AP3S2: variants seen among roughly 807,000 people sequenced by gnomAD.
The protein encoded by AP3S2 is AP-3 complex subunit sigma-2.
AP3S2 carries 22 observed loss-of-function variants against 23.4 expected under a neutral mutation model. That is an observed-to-expected ratio of 0.94 (90% confidence interval 0.67 to 1.34). The LOEUF is 1.34. Among genes scored for constraint, AP3S2 ranks in the 40% most tolerant of loss-of-function variants. The pLI, the probability that AP3S2 is intolerant of heterozygous loss-of-function variation, is 0.00. For synonymous variants in AP3S2, 86 were observed against 87.1 expected, an observed-to-expected ratio of 0.99 and a Z score of 0.07; for missense variants, 241 against 236.9, an observed-to-expected ratio of 1.02 and a Z score of -0.11.
At chr15:89,892,665 C>T (rs925673853) in intron 1 of AP3S2, among the ~76,000 whole-genome samples, 5 of 118,788 alleles carry the variant, frequency 4.2e-5, no homozygotes, top group African/African-American at 1.6e-4. Context: ...TATATATATA[C>T]TTTTTTGTGT....
At chr15:89,863,935 G>A (rs923267375) in intron 4 of AP3S2, among the ~76,000 whole-genome samples, 1 of 152,180 alleles carries the variant, frequency 6.6e-6, no homozygotes, top group Admixed American at 6.5e-5. Context: ...TGCTCTCTAT[G>A]AGGGCAAAGA....
At chr15:89,847,969 AG>A (rs1387790223) in intron 4 of AP3S2, among the ~76,000 whole-genome samples, 1 of 152,206 alleles carries the variant, frequency 6.6e-6, no homozygotes, top group African/African-American at 2.4e-5. Context: ...TTGGGATGGC[AG>A]GATTCCATCT....
intron 3 of AP3S2, among the ~76,000 whole-genome samples, chr15:89,887,899 G>A (rs1197630551): frequency 6.6e-6 from 1 of 152,142 alleles, no homozygotes; most frequent in Non-Finnish European, 1.5e-5. Flanking sequence ...TCAAAATCCT[G>A]ACCTCAAGTG....
At chr15:89,839,851 T>TC (rs1718930140) in intron 4 of AP3S2, among the ~76,000 whole-genome samples, 1 of 151,990 alleles carries the variant, frequency 6.6e-6, no homozygotes, top group Admixed American at 6.6e-5. Context: ...AAGAATTCTT[T>TC]TTTTTTTTTT....
chr15:89,891,728 T>G (rs567497740), intron 1 of AP3S2, among the ~76,000 whole-genome samples: 148 of 150,878 alleles, frequency 9.8e-4, no homozygotes, highest in Middle Eastern at 6.9e-3. Context: ...AATAAATAAA[T>G]AAATAACGAA....
At chr15:89,888,740 A>G in intron 2 of AP3S2, 108 bp from the exon 3 acceptor site, 1 of 1,230,118 alleles carries the variant, frequency 8.1e-7, no homozygotes. Context: ...AGAAGGCCAA[A>G]CGCTAGAAGC....
intron 4 of AP3S2, among the ~76,000 whole-genome samples, chr15:89,858,040 C>T (rs1318886963): frequency 6.6e-6 from 1 of 152,174 alleles, no homozygotes; most frequent in African/African-American, 2.4e-5. Context: ...AAAAAATAAA[C>T]CTTGCTCTCA....
intron 4 of AP3S2, among the ~76,000 whole-genome samples, chr15:89,858,523 G>GAGAGAGAGAGAGAGAGAAAGAA (rs1555446558): frequency 1.9e-5 from 1 of 53,654 alleles, no homozygotes; most frequent in Non-Finnish European, 3.8e-5. Context: ...GAGAGAGAGA[G>GAGAGAGAGAGAGAGAGAAAGAA]AGAAAGAAAG....
In AP3S2 at chr15:89,835,388, G is replaced by A; in HGVS notation, c.*127C>T. ...ATTCCATGCCAAACAGTCTTCCCCA[G>A]ACACAAAGTTTCCAGGTCCTGAGGC... On this transcript the variant is annotated 3_prime_UTR_variant, in exon 6 of 6. Coordinates refer to ENST00000336418, the MANE Select transcript of AP3S2 (RefSeq NM_005829.5). 1 of 1,490,350 alleles carries A rather than the reference G, an allele frequency of 6.7e-7. No individual in the cohort carries two copies. The highest frequency in any genetic ancestry group is 1.4e-5 in the African/African-American group (1 of 71,350). The allele number at this position is 1,490,350 out of a possible 1,614,324, so 92.3% of individuals were successfully genotyped here.
intron 4 of AP3S2, chr15:89,838,217 T>C (rs894865756): frequency 6.4e-6 from 1 of 156,904 alleles, no homozygotes; most frequent in Non-Finnish European, 1.4e-5. Flanking sequence ...GAATAATCCC[T>C]GTCCAAGCAA....
chr15:89,881,172 C>G (rs1206846073), intron 3 of AP3S2, among the ~76,000 whole-genome samples: 1 of 152,124 alleles, frequency 6.6e-6, no homozygotes, highest in Non-Finnish European at 1.5e-5. Flanking sequence ...GTTTGAAGAA[C>G]AGCAAGAAGC....
chr15:89,845,814 T>C (rs4932147), intron 4 of AP3S2: 56,208 of 151,748 alleles, frequency 0.37, 12,185 homozygotes, highest in Non-Finnish European at 0.49. Context: ...ACAGTGTGCA[T>C]TGAACAAATA....
intron 4 of AP3S2, among the ~76,000 whole-genome samples, chr15:89,864,276 C>T (rs1567180602): frequency 1.3e-5 from 2 of 152,140 alleles, no homozygotes; most frequent in African/African-American, 4.8e-5. Context: ...CTTTAGCAGG[C>T]ATCCTTACAG....
At chr15:89,884,174 GT>G (rs1896639308) in intron 3 of AP3S2, 1 of 152,858 alleles carries the variant, frequency 6.5e-6, no homozygotes, top group Non-Finnish European at 1.5e-5. Context: ...TCTTATTCCA[GT>G]TTGAGTGTAT....
intron 1 of AP3S2, among the ~76,000 whole-genome samples, chr15:89,892,697 T>G (rs988602728): frequency 3.9e-5 from 6 of 152,220 alleles, no homozygotes; most frequent in Non-Finnish European, 8.8e-5. Flanking sequence ...GGAGTCTCGC[T>G]CTTTCGCCCA....
chr15:89,873,160 C>A (rs1470566162), intron 3 of AP3S2, among the ~76,000 whole-genome samples: 1 of 152,130 alleles, frequency 6.6e-6, no homozygotes, highest in East Asian at 1.9e-4. Flanking sequence ...TATAATCCTG[C>A]AGTTCAAGTC....
rs2141829639 is a variant in AP3S2, at chr15:89,834,053, C to T, written c.*1462G>A. 6.6e-6 allele frequency: 1 copy of T among 152,456 alleles called. No individual in the cohort carries two copies. The highest frequency in any genetic ancestry group is 1.5e-5 in the Non-Finnish European group (1 of 68,118). The allele number at this position is 152,456 out of a possible 1,614,324, so 9.4% of individuals were successfully genotyped here. A position where few individuals can be genotyped will look rare whatever the true frequency, so the allele number is the denominator to read the frequency against. Reference sequence around the variant, plus strand: ...CAGTATGGAAGCAGGAGGCCCTACTCCACCACAGAAAGAACATTTATGGGC... The same window carrying T: ...CAGTATGGAAGCAGGAGGCCCTACTTCACCACAGAAAGAACATTTATGGGC... On this transcript the variant is annotated 3_prime_UTR_variant, in exon 6 of 6. Transcript: ENST00000336418.
intron 4 of AP3S2, among the ~76,000 whole-genome samples, chr15:89,857,290 T>A (rs1895864198): frequency 6.6e-6 from 1 of 152,204 alleles, no homozygotes; most frequent in Non-Finnish European, 1.5e-5. Context: ...TTTATGAGCT[T>A]CTTACAGGTA....
chr15:89,835,346 A>G lies in AP3S2; in HGVS notation c.*169T>C, dbSNP rs756433931. ...AACTGGGTGCACCCGAGCAGTGTCA[A>G]TAGGAATCCCTTCCCTATTCCATGC... On this transcript the variant is annotated 3_prime_UTR_variant, in exon 6 of 6. Coordinates refer to ENST00000336418, the MANE Select transcript of AP3S2 (RefSeq NM_005829.5). 664 of 1,205,144 alleles carry G rather than the reference A, an allele frequency of 5.5e-4. No individual in the cohort carries two copies. Among genetic ancestry groups the G allele is most frequent in the Non-Finnish European group, 7.2e-4 (623 of 870,096 alleles). 74.7% of individuals were successfully genotyped at this position (1,205,144 alleles called of 1,614,324 possible).
Sources: allele counts gnomAD v4.1 joint callset (sites outside exome capture counted in the v4.1 genomes callset), GRCh38; gene constraint gnomAD v4.1.1; transcripts MANE v1.5; gene names NCBI Gene and HGNC (gene_info 2026-07-23, HGNC 2026-07-21).